The following FAM13C variants were observed in gnomAD, a reference collection of about 807,000 sequenced individuals.
FAM13C encodes family with sequence similarity 13 member C.
A neutral mutation model predicts 73.2 loss-of-function variants in FAM13C; 37 were observed. That is an observed-to-expected ratio of 0.51 (90% CI 0.39 to 0.67). The LOEUF (loss-of-function observed/expected upper bound fraction) is 0.67, where lower values mean the gene tolerates loss of function less well. Ranked by LOEUF, FAM13C falls within the 30% of genes least tolerant of loss-of-function variation. FAM13C has a pLI of 0.00. For synonymous variants in FAM13C, 246 were observed against 260.9 expected (o/e 0.94, Z 0.55); for missense variants, 589 against 715.6 (o/e 0.82, Z 2.02).
intron 3 of FAM13C, among the ~76,000 whole-genome samples, chr10:59,337,270 T>A (rs1852838677): frequency 6.6e-6 from 1 of 152,236 alleles, no homozygotes; most frequent in Admixed American, 6.5e-5. Context: ...CAGAGAGAGC[T>A]GATCTTCTAT....
chr10:59,259,215 A>G (rs1479533163), intron 10 of FAM13C, among the ~76,000 whole-genome samples: 1 of 152,232 alleles, frequency 6.6e-6, no homozygotes, highest in East Asian at 1.9e-4. Flanking sequence ...AGGCAATGCT[A>G]TAGGATTTAT....
intron 10 of FAM13C, among the ~76,000 whole-genome samples, chr10:59,256,341 G>A (rs956082374): frequency 3.3e-5 from 5 of 151,914 alleles, no homozygotes; most frequent in Admixed American, 1.3e-4. Flanking sequence ...ATTGCAATTT[G>A]ATTTTTGTGA....
At chr10:59,264,783 G>C (rs1228090032) in intron 8 of FAM13C, among the ~76,000 whole-genome samples, 1 of 152,060 alleles carries the variant, frequency 6.6e-6, no homozygotes, top group Non-Finnish European at 1.5e-5. Flanking sequence ...CTTCACTAGT[G>C]GTAGTCAAAC....
upstream of FAM13C, chr10:59,362,601 G>T (rs1032045252): frequency 4.7e-6 from 7 of 1,488,888 alleles, no homozygotes; most frequent in Non-Finnish European, 6.2e-6. Flanking sequence ...GCACATGCTC[G>T]TAACGACACC....
intron 7 of FAM13C, 136 bp downstream of exon 7, chr10:59,269,763 T>C (rs1843486636): frequency 9.7e-7 from 1 of 1,027,960 alleles, no homozygotes; most frequent in Non-Finnish European, 1.4e-6. Context: ...CTAATTTTTG[T>C]CATTTATTGT....
intron 5 of FAM13C, among the ~76,000 whole-genome samples, chr10:59,286,373 G>T (rs1845550122): frequency 6.6e-6 from 1 of 151,544 alleles, no homozygotes; most frequent in African/African-American, 2.4e-5. Context: ...AAATTAGCTG[G>T]GCATGGTGGC....
At chr10:59,271,850 A>G (rs1002883976) in intron 6 of FAM13C, among the ~76,000 whole-genome samples, 4 of 152,222 alleles carry the variant, frequency 2.6e-5, no homozygotes, top group African/African-American at 9.6e-5. Context: ...AATAATCTTT[A>G]GCAGGCACCT....
chr10:59,273,621 A>G (rs1033247043), intron 6 of FAM13C, among the ~76,000 whole-genome samples: 6 of 152,142 alleles, frequency 3.9e-5, no homozygotes, highest in Non-Finnish European at 7.4e-5. Flanking sequence ...TTTTAAATTC[A>G]CTAGGAAATG....
intron 10 of FAM13C, 93 bp downstream of exon 10, chr10:59,262,341 A>G: frequency 1.7e-6 from 2 of 1,149,332 alleles, no homozygotes; most frequent in Non-Finnish European, 2.5e-6. Context: ...AAAAATATTG[A>G]TGTAATGGCA....
chr10:59,296,371 A>G (rs402164), intron 5 of FAM13C, among the ~76,000 whole-genome samples: 86,741 of 152,188 alleles, frequency 0.57, 26,099 homozygotes, highest in Admixed American at 0.66. Flanking sequence ...CAAAATTAAC[A>G]TATTAAAGGA....
At chr10:59,322,110 G>C (rs942576349) in intron 4 of FAM13C, among the ~76,000 whole-genome samples, 1 of 152,156 alleles carries the variant, frequency 6.6e-6, no homozygotes, top group Non-Finnish European at 1.5e-5. Context: ...AGGTTATCAG[G>C]AATGTGAGCT....
chr10:59,264,147 G>T lies in FAM13C; in HGVS notation c.962C>A (p.Thr321Asn), dbSNP rs375175726. ...KKYRPSHGDK[T>N]SNPEVLKWMN... ...CCATTTCAGGACTTCAGGATTAGAA[G>T]TCTTGTCACCATGTGAAGGCTACCA... The change falls in exon 9 of 14, where the codon ACT (threonine) becomes AAT (asparagine). Residue 321 changes from threonine (T) to asparagine (N), a missense_variant. Physicochemically the swap from Thr to Asn is moderately conservative, Grantham distance 65 (BLOSUM62 0). Coordinates refer to ENST00000618804, the MANE Select transcript of FAM13C (RefSeq NM_198215.4). The T allele has an allele frequency of 2.5e-6, 4 of 1,588,576 alleles. No homozygotes were observed. Among genetic ancestry groups the T allele is most frequent in the Non-Finnish European group, 2.6e-6 (3 of 1,164,282 alleles).
chr10:59,263,924 A>C (rs1842764637), intron 9 of FAM13C, 161 bp downstream of exon 9: 2 of 658,220 alleles, frequency 3.0e-6, no homozygotes, highest in Non-Finnish European at 5.4e-6. Flanking sequence ...AAACAATGAC[A>C]GAGATACAGG....
At chr10:59,360,936 T>TA in intron 1 of FAM13C, 3 of 947,128 alleles carry the variant, frequency 3.2e-6, no homozygotes, top group Non-Finnish European at 4.4e-6. Context: ...TGCCTGTGAC[T>TA]GACCGAGGAT....
chr10:59,324,905 C>T (rs1850883816), intron 3 of FAM13C, among the ~76,000 whole-genome samples: 1 of 150,214 alleles, frequency 6.7e-6, no homozygotes, highest in African/African-American at 2.5e-5. Flanking sequence ...AATAAACACA[C>T]CAAAACTAAA....
chr10:59,260,719 C>G (rs2133446477), intron 10 of FAM13C, among the ~76,000 whole-genome samples: 1 of 152,224 alleles, frequency 6.6e-6, no homozygotes, highest in South Asian at 2.1e-4. Context: ...GGGCATTGAC[C>G]ACCCCCCAAT....
chr10:59,278,107 T>C (rs961399123), intron 6 of FAM13C, among the ~76,000 whole-genome samples: 1 of 152,048 alleles, frequency 6.6e-6, no homozygotes, highest in Non-Finnish European at 1.5e-5. Context: ...GCAGGGAAAC[T>C]CCCCTTTTGA....
rs370435841 is a variant in FAM13C at position 59,294,511 on chromosome 10, G to T, written c.507+8290C>A. ...CAAGGAAAAATAGAGGCAGCTGCTG[G>T]CATGGCTTCCACTTTTTCTGCCAAC... On this transcript the variant is annotated intron_variant, in intron 5 of 13. Coordinates refer to ENST00000618804, the MANE Select transcript of FAM13C (RefSeq NM_198215.4). Among the ~76,000 whole-genome samples, 71 of 152,280 alleles carry T rather than the reference G, an allele frequency of 4.7e-4. 1 individual carries two copies. Among genetic ancestry groups the T allele is most frequent in the African/African-American group, 1.5e-3 (64 of 41,556 alleles).
chr10:59,262,297 A>G, intron 10 of FAM13C, 137 bp downstream of exon 10: 1 of 719,664 alleles, frequency 1.4e-6, no homozygotes, highest in Non-Finnish European at 2.3e-6. Context: ...GTAACCTGTC[A>G]GGAACTCATC....
Sources: gnomAD v4.1 joint callset for allele counts (sites outside exome capture counted in the v4.1 genomes callset) on GRCh38, gnomAD v4.1.1 for gene constraint, MANE v1.5 for transcripts, NCBI Gene and HGNC (gene_info 2026-07-23, HGNC 2026-07-21) for gene names.